Variants in KIF13A observed in about 807,000 individuals in gnomAD.
KIF13A encodes kinesin-like protein KIF13A.
KIF13A carries 79 observed loss-of-function variants against 212.2 expected under a neutral mutation model. The ratio of observed to expected loss-of-function variants is 0.37; its 90% confidence interval spans 0.31 to 0.45. The LOEUF (loss-of-function observed/expected upper bound fraction) is 0.45, where lower values mean the gene tolerates loss of function less well. Among genes scored for constraint, KIF13A ranks in the 20% least tolerant of loss-of-function variants. The pLI, the probability that KIF13A is intolerant of heterozygous loss-of-function variation, is 1.00. For synonymous variants in KIF13A, 789 were observed against 808.6 expected, an observed-to-expected ratio of 0.98 and a Z score of 0.41; for missense variants, 1,901 against 2,209.0, an observed-to-expected ratio of 0.86 and a Z score of 2.79.
rs934577344 is a variant in KIF13A, at chr6:17,926,528, G to A, written c.147-28348C>T. ...ATTACAGGTGTGAGCCACCATGCCT[G>A]GCCCCTGGTACGTTTCTTTAAAACA... is the stretch of plus-strand genomic sequence containing the variant. On this transcript the variant is annotated intron_variant, in intron 2 of 38. Coordinates refer to ENST00000259711, the MANE Select transcript of KIF13A (RefSeq NM_022113.6). This position sits in a 1 kb window ranked among gnomAD's most constrained non-coding sequence, Gnocchi z 4.3. 1.3e-5 allele frequency among the ~76,000 whole-genome samples: 2 copies of A among 152,080 alleles called. No homozygotes were observed. Among genetic ancestry groups the A allele is most frequent in the Non-Finnish European group, 2.9e-5 (2 of 68,024 alleles).
rs778208739 is a variant in KIF13A at position 17,781,209 on chromosome 6, A to G, written c.3637T>C (p.Tyr1213His). The change falls in exon 30 of 39, where the codon TAC (tyrosine) becomes CAC (histidine). Residue 1213 changes from tyrosine (Y) to histidine (H), a missense_variant. Around this residue, in one of 5 missense-constraint regions of KIF13A, gnomAD observed 687 missense variants for 759.1 expected, o/e 0.90. Coordinates refer to ENST00000259711, the MANE Select transcript of KIF13A (RefSeq NM_022113.6). ...LPKEHGSQFF[Y>H]LPIIKHSDDE... is the part of the protein sequence containing the mutation. ...TCACTGTGCTTTATGATGGGCAGGT[A>G]GAAAAACTGGCTGCCATGCTCCTTG... 4.3e-6 allele frequency: 7 copies of G among 1,613,956 alleles called. No individual in the cohort carries two copies. Among genetic ancestry groups the G allele is most frequent in the East Asian group, 2.2e-5 (1 of 44,874 alleles).
downstream of KIF13A, chr6:17,760,662 G>A: frequency 3.3e-6 from 2 of 598,112 alleles, no homozygotes; most frequent in East Asian, 2.8e-5. Flanking sequence ...ATTCACCCAA[G>A]TGACAAAGTG....
chr6:17,955,055 C>T (rs947108289), intron 2 of KIF13A, among the ~76,000 whole-genome samples: 1 of 152,142 alleles, frequency 6.6e-6, no homozygotes, highest in Non-Finnish European at 1.5e-5. Flanking sequence ...GTCTTGAATT[C>T]ATGGGCTCAA....
Position 17,968,863 on chromosome 6 carries a change from C to T in KIF13A, c.146+18191G>A, listed in dbSNP as rs958860886. Among the ~76,000 whole-genome samples the T allele has an allele frequency of 2.0e-5, 3 of 152,212 alleles. 1 individual carries two copies. The highest frequency in any genetic ancestry group is 3.8e-4 in the East Asian group (2 of 5,204). On this transcript the variant is annotated intron_variant, in intron 2 of 38. Coordinates refer to ENST00000259711, the MANE Select transcript of KIF13A (RefSeq NM_022113.6). The surrounding 1 kb of genome is among the most constrained non-coding windows in gnomAD (Gnocchi z 4.7). The stretch of plus-strand genomic sequence containing the variant: ...GGTCTCAGAGGGCCCAGACTAGAAG[C>T]ACTAGAACCACCAGTGATGTGACAG...
At chr6:17,817,715 T>A (rs1764074093) in intron 16 of KIF13A, among the ~76,000 whole-genome samples, 1 of 152,252 alleles carries the variant, frequency 6.6e-6, no homozygotes, top group African/African-American at 2.4e-5. Flanking sequence ...CTATTACTAT[T>A]GAATTTCTCT....
intron 2 of KIF13A, among the ~76,000 whole-genome samples, chr6:17,921,927 G>A (rs1222535231): frequency 6.6e-6 from 1 of 152,170 alleles, no homozygotes; most frequent in African/African-American, 2.4e-5. Flanking sequence ...TTTACTTATA[G>A]AAGTACTTTT....
At chr6:17,937,996 CCTCGGCCT>C (rs1351727264) in intron 2 of KIF13A, among the ~76,000 whole-genome samples, 1 of 152,150 alleles carries the variant, frequency 6.6e-6, no homozygotes, top group African/African-American at 2.4e-5. Flanking sequence ...AATCCACCTG[CCTCGGCCT>C]CTCAAAGTGC....
chr6:17,917,960 G>C (rs1774694784), intron 2 of KIF13A, among the ~76,000 whole-genome samples: 1 of 151,938 alleles, frequency 6.6e-6, no homozygotes, highest in African/African-American at 2.4e-5. Flanking sequence ...ACCCTCCCCT[G>C]CTGGTTCTTT....
chr6:17,805,664 G>T (rs369134691), intron 18 of KIF13A, 49 bp from the exon 19 acceptor site: 2 of 1,517,472 alleles, frequency 1.3e-6, no homozygotes, highest in Non-Finnish European at 1.8e-6. Flanking sequence ...CTCCTTTTTC[G>T]ATTGCTAAAG....
chr6:17,888,038 A>C lies in KIF13A; in HGVS notation c.159+10130T>G, dbSNP rs1270885455. Among the ~76,000 whole-genome samples the C allele has an allele frequency of 6.6e-6, 1 of 151,958 alleles. No homozygotes were observed. Among genetic ancestry groups the C allele is most frequent in the East Asian group, 1.9e-4 (1 of 5,168 alleles). ...CTTGATTCTTATCCTAAATTTCTGC[A>C]CTTTGACACCCTATCCATACTTGCA... is the stretch of plus-strand genomic sequence containing the variant. On this transcript the variant is annotated intron_variant, in intron 3 of 38. Transcript: ENST00000259711. This position sits in a 1 kb window ranked among gnomAD's most constrained non-coding sequence, Gnocchi z 4.8.
chr6:17,769,224 C>T lies in KIF13A; in HGVS notation c.4581+1890G>A, dbSNP rs949677974. ...AAGTTTCCCAAAGAGAAACAAGAAC[C>T]TCAGGTCAAACAAATAATGCACTTA... On this transcript the variant is annotated intron_variant, in intron 38 of 38. Transcript: ENST00000259711. This position sits in a 1 kb window ranked among gnomAD's most constrained non-coding sequence, Gnocchi z 5.8. Among the ~76,000 whole-genome samples, 5 of 152,156 alleles carry T rather than the reference C, an allele frequency of 3.3e-5. No individual in the cohort carries two copies. Among genetic ancestry groups the T allele is most frequent in the Admixed American group, 6.5e-5 (1 of 15,268 alleles).
intron 2 of KIF13A, among the ~76,000 whole-genome samples, chr6:17,974,193 T>C (rs1446699460): frequency 1.3e-5 from 2 of 152,156 alleles, no homozygotes; most frequent in African/African-American, 2.4e-5. Context: ...GCGATTCTCC[T>C]ACCTCAGCCT....
rs1767507232 is a variant in KIF13A, at chr6:17,850,231, A to C, written c.717+92T>G. 6 of 1,269,744 alleles carry C rather than the reference A, an allele frequency of 4.7e-6. No homozygotes were observed. The South Asian group carries it at 7.5e-5, about 16-fold the overall frequency. 78.7% of individuals were successfully genotyped at this position (1,269,744 alleles called of 1,614,324 possible). A position where few individuals can be genotyped will look rare whatever the true frequency, so the allele number is the denominator to read the frequency against. Reference sequence around the variant, plus strand: ...GCAGAAGAGCCAACATACAATTCTCAGCCACTGAACCCAACCATGAAAGAC... The same window carrying C: ...GCAGAAGAGCCAACATACAATTCTCCGCCACTGAACCCAACCATGAAAGAC... On this transcript the variant is annotated intron_variant, in intron 8 of 38. Coordinates refer to ENST00000259711, the MANE Select transcript of KIF13A (RefSeq NM_022113.6). This position sits in a 1 kb window ranked among gnomAD's most constrained non-coding sequence, Gnocchi z 6.2.
At chr6:17,857,587 A>G (rs757757606) in intron 4 of KIF13A, among the ~76,000 whole-genome samples, 1 of 152,210 alleles carries the variant, frequency 6.6e-6, no homozygotes, top group Non-Finnish European at 1.5e-5. Context: ...AGTTCTTTAC[A>G]ACAGTGTAAA....
At chr6:17,884,622 C>G (rs909316716) in intron 3 of KIF13A, among the ~76,000 whole-genome samples, 1 of 152,238 alleles carries the variant, frequency 6.6e-6, no homozygotes, top group African/African-American at 2.4e-5. Flanking sequence ...GCAAAACACA[C>G]TACTTCCTAG....
rs1326095039 is a variant in KIF13A, at chr6:17,971,421, G to GT, written c.146+15632dup. On this transcript the variant is annotated intron_variant, in intron 2 of 38. Coordinates refer to ENST00000259711, the MANE Select transcript of KIF13A (RefSeq NM_022113.6). The surrounding 1 kb of genome is among the most constrained non-coding windows in gnomAD (Gnocchi z 4.2). ...AAATATTAAAATTTAGTAGCGGTTT[G>GT]TTTTTTTCCTTTTTTTTTGACACAG... Among the ~76,000 whole-genome samples, 2 of 151,902 alleles carry GT rather than the reference G, an allele frequency of 1.3e-5. No individual in the cohort carries two copies. The highest frequency in any genetic ancestry group is 6.6e-5 in the Admixed American group (1 of 15,224).
intron 31 of KIF13A, among the ~76,000 whole-genome samples, 178 bp downstream of exon 31, chr6:17,780,552 C>T (rs1240255545): frequency 6.6e-6 from 1 of 152,212 alleles, no homozygotes; most frequent in Non-Finnish European, 1.5e-5. Context: ...TACTGGATGA[C>T]ATTGACCTCT....
chr6:17,783,677 G>T lies in KIF13A; in HGVS notation c.3513C>A (p.Thr1171=), dbSNP rs1159578575. ...AATCGAGGAAGAGAACTGGTATGTGGGTTTCCATTCCAGGAGGTGGGATCC... is the reference window on the plus strand; with the variant it reads ...AATCGAGGAAGAGAACTGGTATGTGTGTTTCCATTCCAGGAGGTGGGATCC... ...ADWIPPPGME[T]HIPVLFLDLN... The change falls in exon 29 of 39, where the codon ACC becomes ACA. Residue 1171 remains threonine (T), a synonymous_variant. Transcript: ENST00000259711. The surrounding 1 kb of genome is among the most constrained non-coding windows in gnomAD (Gnocchi z 4.3). The T allele has an allele frequency of 1.9e-6, 3 of 1,581,634 alleles. No individual in the cohort carries two copies. Among genetic ancestry groups the T allele is most frequent in the East Asian group, 2.3e-5 (1 of 44,184 alleles).
At chr6:17,844,945 A>G (rs115217870) in intron 9 of KIF13A, among the ~76,000 whole-genome samples, 2,712 of 152,270 alleles carry the variant, frequency 0.018, 91 homozygotes, top group African/African-American at 0.061. Flanking sequence ...ACTCAAGAAG[A>G]AAAAAAGGAA....
Sources: allele counts gnomAD v4.1 joint callset (sites outside exome capture counted in the v4.1 genomes callset), GRCh38; gene constraint gnomAD v4.1.1; regional missense constraint gnomAD v4.1.1; non-coding constraint Gnocchi (gnomAD v3.1); transcripts MANE v1.5; gene names NCBI Gene and HGNC (gene_info 2026-07-23, HGNC 2026-07-21).